Variants in GFM1 observed in about 807,000 individuals in gnomAD.
The protein encoded by GFM1 is elongation factor G, mitochondrial.
Under a neutral mutation model 96.2 loss-of-function variants are expected in GFM1, and 62 were observed. The ratio of observed to expected loss-of-function variants is 0.64; its 90% confidence interval spans 0.53 to 0.80. The LOEUF (loss-of-function observed/expected upper bound fraction) is 0.80, where lower values mean the gene tolerates loss of function less well. GFM1 is among the 30% of genes least tolerant of loss of function. The pLI, the probability that GFM1 is intolerant of heterozygous loss-of-function variation, is 0.00. For missense variants in GFM1, 852 were observed against 916.6 expected (o/e 0.93, Z 0.91); for synonymous variants, 282 against 312.9 (o/e 0.90, Z 1.04).
intron 13 of GFM1, among the ~76,000 whole-genome samples, chr3:158,671,339 G>A (rs16829283): frequency 0.17 from 25,663 of 152,138 alleles, 2,366 homozygotes; most frequent in African/African-American, 0.23. Flanking sequence ...TTGAAACAGC[G>A]TTTAATTCTA....
At chr3:158,673,655 G>T (rs1724596603) in intron 13 of GFM1, among the ~76,000 whole-genome samples, 1 of 151,738 alleles carries the variant, frequency 6.6e-6, no homozygotes, top group Non-Finnish European at 1.5e-5. Flanking sequence ...GGGATTACAG[G>T]TGCCCACCAC....
At chr3:158,648,678 CAAAAAAAAAAAAA>C (rs9331287) in intron 4 of GFM1, among the ~76,000 whole-genome samples, 2 of 102,784 alleles carry the variant, frequency 1.9e-5, no homozygotes, top group African/African-American at 7.2e-5. Context: ...ACTCTTGTCT[CAAAAAAAAAAAAA>C]AAAAAAAAAA....
chr3:158,668,610 G>C (rs1336068093), intron 13 of GFM1, among the ~76,000 whole-genome samples: 1 of 152,220 alleles, frequency 6.6e-6, no homozygotes, highest in Non-Finnish European at 1.5e-5. Context: ...TTTTGAAAGT[G>C]CAGTCTAGAT....
At chr3:158,672,987 A>G (rs1724505761) in intron 13 of GFM1, among the ~76,000 whole-genome samples, 1 of 152,164 alleles carries the variant, frequency 6.6e-6, no homozygotes, top group Non-Finnish European at 1.5e-5. Context: ...CACCGCATGC[A>G]GCGTCCCTGG....
chr3:158,663,517 C>T (rs1321034286), intron 11 of GFM1, among the ~76,000 whole-genome samples: 2 of 152,146 alleles, frequency 1.3e-5, no homozygotes, highest in Non-Finnish European at 2.9e-5. Context: ...ATTTTCCAGA[C>T]CTTTTCTCAA....
chr3:158,659,044 T>C lies in GFM1; in HGVS notation c.1206T>C (p.His402=). ...GGTTGCAACGGCTGGCTCGCATGCA[T>C]GCCGACATGATGGAGGCAAGTACAG... ...KVRLQRLARM[H]ADMMEDVEEV... is the part of the protein sequence containing the mutation. The change falls in exon 9 of 18, where the codon CAT becomes CAC. Residue 402 remains histidine, a synonymous_variant. Coordinates refer to ENST00000486715, the MANE Select transcript of GFM1 (RefSeq NM_024996.7). 6.2e-7 allele frequency: 1 copy of C among 1,614,204 alleles called. No individual in the cohort carries two copies. The highest frequency in any genetic ancestry group is 8.5e-7 in the Non-Finnish European group (1 of 1,180,028).
chr3:158,652,336 G>C lies in GFM1; in HGVS notation c.840+90G>C. ...GGGGACATGATGCTTTTATGTATGG[G>C]CTTTATTAATGAAATCTCAATACAT... On this transcript the variant is annotated intron_variant, in intron 6 of 17. Transcript: ENST00000486715. 2.8e-6 allele frequency: 3 copies of C among 1,072,988 alleles called. 1 individual carries two copies. 66.5% of individuals were successfully genotyped at this position (1,072,988 alleles called of 1,614,324 possible).
rs1726303090 is a variant in GFM1, at chr3:158,691,359, G to A, written c.2148G>A (p.Glu716=). The A allele has an allele frequency of 6.2e-7, 1 of 1,613,662 alleles. No homozygotes were observed. Among genetic ancestry groups the A allele is most frequent in the Non-Finnish European group, 8.5e-7 (1 of 1,179,774 alleles). The part of the protein sequence containing the change: ...CTEGKGEYTM[E]YSRYQPCLPS... The stretch of plus-strand genomic sequence containing the variant: ...AGGGAAAGGGAGAATACACAATGGA[G>A]TATAGCAGGTATCAGCCATGTTTAC... Residue 716 remains glutamate, a synonymous_variant, in exon 18 of 18, where the codon GAG becomes GAA. Transcript: ENST00000486715.
intron 13 of GFM1, 40 bp downstream of exon 13, chr3:158,666,426 T>G (rs759878277): frequency 3.3e-6 from 5 of 1,527,672 alleles, no homozygotes; most frequent in South Asian, 1.1e-5. Flanking sequence ...AGGCTGAAAT[T>G]GAAGCTTTTT....
At chr3:158,674,847 A>G (rs2108077400) in intron 13 of GFM1, among the ~76,000 whole-genome samples, 1 of 152,336 alleles carries the variant, frequency 6.6e-6, no homozygotes. Context: ...AGACTAAGTC[A>G]TTCTGTCATT....
chr3:158,644,937 T>A (rs1721630782), intron 1 of GFM1: 1 of 526,484 alleles, frequency 1.9e-6, no homozygotes, highest in African/African-American at 2.0e-5. Flanking sequence ...ACTAAAAGTG[T>A]CTGTCACTCA....
chr3:158,678,549 T>C (rs1487592696), intron 13 of GFM1, among the ~76,000 whole-genome samples: 1 of 152,202 alleles, frequency 6.6e-6, no homozygotes, highest in Non-Finnish European at 1.5e-5. Flanking sequence ...GCAGGAGAAT[T>C]AGAAGTGGAA....
At chr3:158,655,678 G>A (rs1301151690) in intron 8 of GFM1, 1 of 250,778 alleles carries the variant, frequency 4.0e-6, no homozygotes. Flanking sequence ...TATGAAGATA[G>A]TCCAGAGAAT....
intron 13 of GFM1, chr3:158,667,110 T>G: frequency 3.3e-6 from 5 of 1,531,088 alleles, no homozygotes; most frequent in South Asian, 1.3e-5. Flanking sequence ...GTTTAAAACT[T>G]AATATCTTTG....
At position 158,660,929 on chromosome 3, in the gene GFM1, C is replaced by T. The variant is rs765130908; in HGVS notation, c.1277C>T (p.Ala426Val). The T allele has an allele frequency of 6.2e-7, 1 of 1,614,028 alleles. No homozygotes were observed. The highest frequency in any genetic ancestry group is 8.5e-7 in the Non-Finnish European group (1 of 1,179,940). Residue 426 changes from alanine to valine, a missense_variant, in exon 10 of 18, where the codon GCT becomes GTT. By Grantham distance (64) the Ala-to-Val change is moderately conservative. Coordinates refer to ENST00000486715, the MANE Select transcript of GFM1 (RefSeq NM_024996.7). ...DICALFGIDC[A>V]SGDTFTDKAN... ...TGTGCATTGTTTGGCATTGACTGTG[C>T]TAGTGGAGACACATTCACAGACAAA... is the stretch of plus-strand genomic sequence containing the variant.
At chr3:158,661,978 A>T (rs1276891000) in intron 10 of GFM1, among the ~76,000 whole-genome samples, 1 of 152,216 alleles carries the variant, frequency 6.6e-6, no homozygotes, top group Non-Finnish European at 1.5e-5. Context: ...TATTATTGAT[A>T]AGGCCTTCTC....
intron 13 of GFM1, among the ~76,000 whole-genome samples, chr3:158,675,415 A>G (rs1724807015): frequency 6.6e-6 from 1 of 151,790 alleles, no homozygotes; most frequent in Admixed American, 6.6e-5. Context: ...TTTCTGATTA[A>G]TAGATGAATT....
Position 158,682,042 on chromosome 3 carries a change from G to A in GFM1, c.1649G>A (p.Gly550Glu). The stretch of plus-strand genomic sequence containing the variant: ...CAATCAGGTGGTGCAGGCCAGTATG[G>A]AAAAGTAATAGGTGTCCTGGAGCCT... ...KKQSGGAGQY[G>E]KVIGVLEPLD... Residue 550 changes from glycine to glutamate, a missense_variant, in exon 14 of 18, where the codon GGA becomes GAA. Gly to Glu is a moderately conservative substitution (Grantham distance 98). Transcript: ENST00000486715. 1.2e-6 allele frequency: 2 copies of A among 1,613,706 alleles called. No individual in the cohort carries two copies. The highest frequency in any genetic ancestry group is 1.7e-6 in the Non-Finnish European group (2 of 1,179,788).
Position 158,680,166 on chromosome 3 carries a change from A to T in GFM1, c.1602-1829A>T, listed in dbSNP as rs534255573. Among the ~76,000 whole-genome samples the T allele has an allele frequency of 4.6e-5, 7 of 152,332 alleles. No individual in the cohort carries two copies. In the East Asian group the frequency reaches 1.3e-3, roughly 29 times the overall value. On this transcript the variant is annotated intron_variant, in intron 13 of 17. Transcript: ENST00000486715. ...AATTTTTCTTTTTCAATTAAAAAAA[A>T]TAGATTTAGTGGGTACAGGTGTAGT...
Sources: allele counts gnomAD v4.1 joint callset (sites outside exome capture counted in the v4.1 genomes callset), GRCh38; gene constraint gnomAD v4.1.1; transcripts MANE v1.5; gene names NCBI Gene and HGNC (gene_info 2026-07-23, HGNC 2026-07-21).